ZMYM2: variants seen among roughly 807,000 people sequenced by gnomAD.
ZMYM2 encodes the protein zinc finger MYM-type protein 2.
A neutral mutation model predicts 162.8 loss-of-function variants in ZMYM2; 56 were observed. The observed-to-expected ratio is 0.34, with a 90% CI of 0.28 to 0.43. The LOEUF (loss-of-function observed/expected upper bound fraction) is 0.43. Ranked by LOEUF, ZMYM2 falls within the 20% of genes least tolerant of loss-of-function variation. The pLI, the probability that ZMYM2 is intolerant of heterozygous loss-of-function variation, is 1.00. For synonymous variants in ZMYM2, 510 were observed against 541.6 expected, an observed-to-expected ratio of 0.94 and a Z score of 0.81; for missense variants, 1,275 against 1,621.8, an observed-to-expected ratio of 0.79 and a Z score of 3.67.
At chr13:20,028,023 G>A (rs1952740908) in intron 9 of ZMYM2, 1 of 179,542 alleles carries the variant, frequency 5.6e-6, no homozygotes, top group African/African-American at 2.4e-5. Flanking sequence ...ATAAAGCCAT[G>A]CTTCATGAGT....
upstream of ZMYM2, among the ~76,000 whole-genome samples, chr13:19,955,754 T>G (rs1647534374): frequency 6.6e-6 from 1 of 152,180 alleles, no homozygotes. Flanking sequence ...CCTGAGTAGC[T>G]GGTACTACAG....
intron 6 of ZMYM2, among the ~76,000 whole-genome samples, chr13:20,017,693 T>G (rs890772774): frequency 1.3e-5 from 2 of 151,934 alleles, no homozygotes; most frequent in African/African-American, 4.8e-5. Context: ...GTTTTTCGGG[T>G]TGGGTACTTT....
chr13:19,980,425 C>T (rs2312962), intron 2 of ZMYM2, among the ~76,000 whole-genome samples: 149,675 of 152,190 alleles, frequency 0.98, 73,653 homozygotes, highest in Middle Eastern at 1. Context: ...CATAATATGC[C>T]AGTTTCTTCT....
In ZMYM2 at chr13:19,986,373, A is replaced by AC. The variant is rs573111602; in HGVS notation, c.-10-6690_-10-6689insC. 1.8e-3 allele frequency among the ~76,000 whole-genome samples: 265 copies of AC among 149,232 alleles called. 1 individual carries two copies. The highest frequency in any genetic ancestry group is 3.1e-3 in the Non-Finnish European group (208 of 66,974). ...ATCTCAGAAAAAACAAACAAAAACA[A>AC]AAAAAAAAAGAAGGGTGATTATTTA... On this transcript the variant is annotated intron_variant, in intron 2 of 24. Transcript: ENST00000610343.
chr13:19,962,209 T>C (rs956178714), intron 2 of ZMYM2, among the ~76,000 whole-genome samples: 11 of 152,142 alleles, frequency 7.2e-5, no homozygotes, highest in Admixed American at 1.3e-4. Context: ...TTCAGTTTTA[T>C]TGTATTTTGC....
chr13:20,029,190 C>T (rs1952849930), intron 9 of ZMYM2, among the ~76,000 whole-genome samples: 1 of 152,178 alleles, frequency 6.6e-6, no homozygotes, highest in Admixed American at 6.5e-5. Context: ...AATTTGTTGT[C>T]CGTTGAAGGT....
chr13:20,046,290 T>C (rs1163085031), intron 12 of ZMYM2, among the ~76,000 whole-genome samples: 1 of 151,684 alleles, frequency 6.6e-6, no homozygotes, highest in Non-Finnish European at 1.5e-5. Flanking sequence ...CTCACATCTT[T>C]AATCTCTGCC....
At chr13:19,902,620 A>AAAAC in the ZMYM2 span, among the ~76,000 whole-genome samples, 9 of 152,284 alleles carry the variant, frequency 5.9e-5, no homozygotes, top group East Asian at 1.5e-3. Context: ...CTGTCTCAAA[A>AAAAC]AAACAAACAA....
intron 2 of ZMYM2, among the ~76,000 whole-genome samples, chr13:19,970,299 CCTT>C (rs1341053902): frequency 1.3e-5 from 2 of 152,002 alleles, no homozygotes; most frequent in African/African-American, 4.8e-5. Context: ...GGTTTATTTA[CCTT>C]CTTTGGTAAA....
chr13:19,993,646 A>G lies in ZMYM2; in HGVS notation c.574A>G (p.Thr192Ala). The G allele has an allele frequency of 6.2e-7, 1 of 1,614,102 alleles. No homozygotes were observed. The highest frequency in any genetic ancestry group is 8.5e-7 in the Non-Finnish European group (1 of 1,179,938). Residue 192 changes from threonine (T) to alanine (A), a missense_variant, in exon 3 of 25, where the codon ACA becomes GCA. By Grantham distance (58) the Thr-to-Ala change is moderately conservative (BLOSUM62 0). Coordinates refer to ENST00000610343, the MANE Select transcript of ZMYM2 (RefSeq NM_197968.4). ...IQIANVTTLE[T>A]GVSSVNDGQL... ...GATTGCTAATGTTACAACTTTAGAA[A>G]CAGGTGTAAGCTCTGTGAATGATGG...
At chr13:20,052,002 A>T (rs1030632384) in intron 13 of ZMYM2, among the ~76,000 whole-genome samples, 1 of 152,256 alleles carries the variant, frequency 6.6e-6, no homozygotes, top group East Asian at 1.9e-4. Context: ...TTTTAAAAAA[A>T]ATATCATTTA....
rs568582512 is a variant in ZMYM2, at chr13:19,969,550, T to A, written c.-11+9524T>A. Reference sequence around the variant, plus strand: ...GGTAGTTATTGTGTTAGATGTATGATGAAATTCAGAGGCAAAAGTATAACT... The same window carrying A: ...GGTAGTTATTGTGTTAGATGTATGAAGAAATTCAGAGGCAAAAGTATAACT... On this transcript the variant is annotated intron_variant, in intron 2 of 24. Coordinates refer to ENST00000610343, the MANE Select transcript of ZMYM2 (RefSeq NM_197968.4). Among the ~76,000 whole-genome samples the A allele has an allele frequency of 3.3e-5, 5 of 152,300 alleles. No individual in the cohort carries two copies. In the Middle Eastern group the frequency reaches 0.014, roughly 414 times the overall value.
Position 20,026,691 on chromosome 13 carries a change from A to G in ZMYM2, c.1664A>G (p.Asn555Ser), listed in dbSNP as rs776985409. The change falls in exon 8 of 25, where the codon AAT becomes AGT. Residue 555 changes from asparagine to serine, a missense_variant. By Grantham distance (46) the Asn-to-Ser change is conservative. Around this residue, in one of 10 missense-constraint regions of ZMYM2, gnomAD observed 276 missense variants for 311.8 expected, o/e 0.89. Transcript: ENST00000610343. ...FFDMTQCIGP[N>S]GYMEPYCSTA... Reference sequence around the variant, plus strand: ...GATATGACTCAGTGTATAGGTCCTAATGGATATATGGAGCCATATTGTTCA... The same window carrying G: ...GATATGACTCAGTGTATAGGTCCTAGTGGATATATGGAGCCATATTGTTCA... 4 of 1,609,938 alleles carry G rather than the reference A, an allele frequency of 2.5e-6. No homozygotes were observed. Among genetic ancestry groups the G allele is most frequent in the South Asian group, 1.1e-5 (1 of 89,700 alleles).
chr13:20,033,653 C>T (rs116342300), intron 10 of ZMYM2, among the ~76,000 whole-genome samples: 2 of 152,236 alleles, frequency 1.3e-5, no homozygotes, highest in Admixed American at 1.3e-4. Flanking sequence ...TTGTTCATAC[C>T]TGCTTGGGTT....
At chr13:19,948,149 C>T in the ZMYM2 span, among the ~76,000 whole-genome samples, 2 of 152,190 alleles carry the variant, frequency 1.3e-5, no homozygotes, top group East Asian at 1.9e-4. Context: ...TCATCCATTA[C>T]TGGTGGGAAT....
chr13:20,046,131 A>G (rs1954760695), intron 12 of ZMYM2, among the ~76,000 whole-genome samples: 1 of 151,872 alleles, frequency 6.6e-6, no homozygotes. Context: ...ATACCCCTAT[A>G]GTCCCAGATA....
the ZMYM2 span, among the ~76,000 whole-genome samples, chr13:19,926,487 C>T: frequency 4.0e-5 from 6 of 151,566 alleles, no homozygotes; most frequent in African/African-American, 1.2e-4. Context: ...CCTTAGCCTC[C>T]TGAGTAGCTG....
intron 7 of ZMYM2, 156 bp downstream of exon 7, chr13:20,019,774 C>A: frequency 1.6e-6 from 1 of 644,548 alleles, no homozygotes; most frequent in Non-Finnish European, 2.7e-6. Flanking sequence ...ATCTCTGAGA[C>A]ATAGATTTCT....
the ZMYM2 span, among the ~76,000 whole-genome samples, chr13:19,865,862 T>G: frequency 1.3e-5 from 2 of 152,216 alleles, no homozygotes; most frequent in African/African-American, 4.8e-5. Context: ...TGTAAATCTT[T>G]TGATAATTCA....
Sources: allele counts gnomAD v4.1 joint callset (sites outside exome capture counted in the v4.1 genomes callset), GRCh38; gene constraint gnomAD v4.1.1; regional missense constraint gnomAD v4.1.1; transcripts MANE v1.5; gene names NCBI Gene and HGNC (gene_info 2026-07-23, HGNC 2026-07-21).